LRP1B: variants seen among roughly 807,000 people sequenced by gnomAD.
LRP1B encodes low-density lipoprotein receptor-related protein 1B.
LRP1B carries 217 observed loss-of-function variants against 556.6 expected under a neutral mutation model. That is an observed-to-expected ratio of 0.39 (90% CI 0.35 to 0.44). LRP1B has a LOEUF of 0.44. LRP1B is among the 20% of genes least tolerant of loss of function. LRP1B has a pLI of 1.00. For synonymous variants in LRP1B, 2,047 were observed against 1,865.8 expected (o/e 1.10, Z -2.50); for missense variants, 5,053 against 5,620.8 (o/e 0.90, Z 3.23).
At chr2:140,972,158 T>C (rs1291740644) in intron 18 of LRP1B, among the ~76,000 whole-genome samples, 3 of 152,122 alleles carry the variant, frequency 2.0e-5, no homozygotes, top group African/African-American at 7.2e-5. Flanking sequence ...GAAAGAAAGA[T>C]GCGAAATAAT....
At chr2:140,618,285 A>G (rs1172291140) in intron 41 of LRP1B, among the ~76,000 whole-genome samples, 1 of 152,044 alleles carries the variant, frequency 6.6e-6, no homozygotes, top group East Asian at 1.9e-4. Context: ...CTATAGAAAT[A>G]TCTAGGGCTA....
At chr2:140,524,757 G>A (rs1490307586) in intron 49 of LRP1B, among the ~76,000 whole-genome samples, 3 of 151,736 alleles carry the variant, frequency 2.0e-5, no homozygotes, top group South Asian at 2.1e-4. Flanking sequence ...AGTACACAAC[G>A]AAGTAAATAT....
intron 1 of LRP1B, among the ~76,000 whole-genome samples, chr2:142,079,292 T>G (rs1489479848): frequency 6.6e-6 from 1 of 152,148 alleles, no homozygotes; most frequent in Non-Finnish European, 1.5e-5. Flanking sequence ...GTTGAGTTAT[T>G]TTGCCACTTT....
At chr2:140,441,028 G>T (rs1256389180) in intron 66 of LRP1B, among the ~76,000 whole-genome samples, 1 of 151,752 alleles carries the variant, frequency 6.6e-6, no homozygotes, top group African/African-American at 2.4e-5. Context: ...ATGAAATAGG[G>T]GTAATAAAGA....
At chr2:142,021,907 A>G (rs189434479) in intron 1 of LRP1B, among the ~76,000 whole-genome samples, 98 of 152,254 alleles carry the variant, frequency 6.4e-4, no homozygotes, top group Admixed American at 1.8e-3. Context: ...TCACTGCATG[A>G]TATTTGTCCT....
intron 6 of LRP1B, among the ~76,000 whole-genome samples, chr2:141,221,106 G>A (rs1206183155): frequency 6.6e-6 from 1 of 151,946 alleles, no homozygotes; most frequent in Non-Finnish European, 1.5e-5. Flanking sequence ...ATACAGAATG[G>A]CAAGCTGGAT....
intron 86 of LRP1B, among the ~76,000 whole-genome samples, chr2:140,254,438 T>C (rs1047306622): frequency 2.0e-5 from 3 of 152,172 alleles, no homozygotes; most frequent in East Asian, 1.9e-4. Context: ...GTCTGAAACA[T>C]TGGGAAATGA....
chr2:141,006,935 A>G (rs748561363), intron 14 of LRP1B, among the ~76,000 whole-genome samples: 2 of 151,998 alleles, frequency 1.3e-5, no homozygotes, highest in Non-Finnish European at 2.9e-5. Context: ...TATGCCACGT[A>G]TGACTCTACT....
intron 2 of LRP1B, among the ~76,000 whole-genome samples, chr2:141,718,110 C>T (rs1042207452): frequency 6.6e-6 from 1 of 152,116 alleles, no homozygotes; most frequent in African/African-American, 2.4e-5. Context: ...TTTTTCTGGA[C>T]AGGAGGCAGG....
chr2:141,003,411 G>T (rs1037335918), intron 15 of LRP1B, among the ~76,000 whole-genome samples: 2 of 151,982 alleles, frequency 1.3e-5, no homozygotes, highest in African/African-American at 4.8e-5. Context: ...GATACGGTTT[G>T]GCTGTGTCCC....
rs184952955 is a variant in LRP1B, at chr2:140,419,747, C to T, written c.10414+22757G>A. Among the ~76,000 whole-genome samples, 24 of 152,224 alleles carry T rather than the reference C, an allele frequency of 1.6e-4. 1 individual carries two copies. In the South Asian group the frequency reaches 4.4e-3, roughly 28 times the overall value. ...GTTAGGCCAGGCATGGTGGCTCATT[C>T]CCATAATCCCAGCACTTTGAGAGGC... On this transcript the variant is annotated intron_variant, in intron 66 of 90. Coordinates refer to ENST00000389484, the MANE Select transcript of LRP1B (RefSeq NM_018557.3).
At chr2:141,461,483 A>C (rs1038165222) in intron 3 of LRP1B, among the ~76,000 whole-genome samples, 7 of 152,174 alleles carry the variant, frequency 4.6e-5, no homozygotes, top group Non-Finnish European at 1.0e-4. Context: ...GGGAAATGAA[A>C]GTCTATATAT....
In LRP1B at chr2:142,130,658, T is replaced by C. The variant is rs1475048312; in HGVS notation, c.72A>G (p.Gly24=). 1 of 1,611,760 alleles carries C rather than the reference T, an allele frequency of 6.2e-7. No homozygotes were observed. The highest frequency in any genetic ancestry group is 1.3e-5 in the African/African-American group (1 of 74,804). ...AGGTGTTCTCCTTACCTCGGTCGGCTCCCACGGTCAGCACCCTGGCAATCG... is the reference window on the plus strand; with the variant it reads ...AGGTGTTCTCCTTACCTCGGTCGGCCCCCACGGTCAGCACCCTGGCAATCG... ...LLPIARVLTV[G]ADRDQQLCDP... is the part of the protein sequence containing the mutation. The change falls in exon 1 of 91, where the codon GGA becomes GGG. Residue 24 remains glycine, a synonymous_variant. Transcript: ENST00000389484.
chr2:140,954,358 T>G (rs566046539), intron 18 of LRP1B, among the ~76,000 whole-genome samples: 1 of 152,254 alleles, frequency 6.6e-6, no homozygotes, highest in Non-Finnish European at 1.5e-5. Flanking sequence ...AAATGGGGAC[T>G]CAGATATGAT....
At chr2:141,372,109 A>G (rs1222482886) in intron 3 of LRP1B, among the ~76,000 whole-genome samples, 3 of 152,140 alleles carry the variant, frequency 2.0e-5, no homozygotes, top group Admixed American at 1.3e-4. Context: ...TTCTGCATCT[A>G]TTCAGATGAT....
rs1378909257 is a variant in LRP1B, at chr2:140,778,999, A to T, written c.5360-2761T>A. Among the ~76,000 whole-genome samples the T allele has an allele frequency of 2.2e-4, 33 of 151,790 alleles. 1 individual carries two copies. Among genetic ancestry groups the T allele is most frequent in the Admixed American group, 2.2e-3 (33 of 15,232 alleles). Reference sequence around the variant, plus strand: ...AAGTGAATTTGTAATAAATATTTTTAAAATTTTGTCAGGTTTAATATCTAA... The same window carrying T: ...AAGTGAATTTGTAATAAATATTTTTTAAATTTTGTCAGGTTTAATATCTAA... On this transcript the variant is annotated intron_variant, in intron 32 of 90. Coordinates refer to ENST00000389484, the MANE Select transcript of LRP1B (RefSeq NM_018557.3).
At chr2:140,967,375 T>C (rs530544770) in intron 18 of LRP1B, among the ~76,000 whole-genome samples, 25 of 151,552 alleles carry the variant, frequency 1.6e-4, no homozygotes, top group Non-Finnish European at 2.8e-4. Flanking sequence ...CTTGTGATTT[T>C]TGTACATTGA....
intron 3 of LRP1B, among the ~76,000 whole-genome samples, chr2:141,467,064 C>A (rs926638418): frequency 7.1e-6 from 1 of 141,260 alleles, no homozygotes; most frequent in Non-Finnish European, 1.5e-5. Flanking sequence ...ACTGGCTCCC[C>A]AGGATATATA....
In LRP1B at chr2:141,285,257, T is replaced by A. The variant is rs1220823850; in HGVS notation, c.344-30616A>T. On this transcript the variant is annotated intron_variant, in intron 3 of 90. Transcript: ENST00000389484. ...GCAAGCGCCACATGCCCGGCTAATTTTTTTTATTTTTAGTAGAGACAGGGT... is the reference window on the plus strand; with the variant it reads ...GCAAGCGCCACATGCCCGGCTAATTATTTTTATTTTTAGTAGAGACAGGGT... Among the ~76,000 whole-genome samples the A allele has an allele frequency of 2.7e-5, 4 of 148,806 alleles. No homozygotes were observed. In the East Asian group the frequency reaches 8.3e-4, roughly 31 times the overall value.
Sources: allele counts gnomAD v4.1 joint callset (sites outside exome capture counted in the v4.1 genomes callset), GRCh38; gene constraint gnomAD v4.1.1; transcripts MANE v1.5; gene names NCBI Gene and HGNC (gene_info 2026-07-23, HGNC 2026-07-21).